Variants in PRDM11 observed in about 807,000 individuals in gnomAD.
The protein encoded by PRDM11 is PR/SET domain 11.
Under a neutral mutation model 97.8 loss-of-function variants are expected in PRDM11, and 20 were observed. The ratio of observed to expected loss-of-function variants is 0.20; its 90% CI spans 0.14 to 0.30. The LOEUF (loss-of-function observed/expected upper bound fraction) is 0.30, where lower values mean the gene tolerates loss of function less well. Ranked by LOEUF, PRDM11 falls within the 10% of genes least tolerant of loss-of-function variation. The probability of loss-of-function intolerance (pLI) is 1.00; values close to 1 mark genes in which losing one functional copy is unlikely to be tolerated. For missense variants in PRDM11, 1,139 were observed against 1,555.2 expected (o/e 0.73, Z 4.50); for synonymous variants, 599 against 637.7 (o/e 0.94, Z 0.91).
rs903463724 is a variant in PRDM11 at position 45,229,709 on chromosome 11, A to G, written c.*1550A>G. ...CTGTTCATGTTCCTACATCTGATTT[A>G]TGCATATTTTATATGCAGAGATCCT... On this transcript the variant is annotated 3_prime_UTR_variant, in exon 8 of 8. Coordinates refer to ENST00000683152, the MANE Select transcript of PRDM11 (RefSeq NM_001384648.1). The G allele has an allele frequency of 6.6e-6, 1 of 152,228 alleles. No individual in the cohort carries two copies. Among genetic ancestry groups the G allele is most frequent in the African/African-American group, 2.4e-5 (1 of 41,450 alleles). 9.4% of individuals were successfully genotyped at this position (152,228 alleles called of 1,614,324 possible). A position where few individuals can be genotyped will look rare whatever the true frequency, so the allele number is the denominator to read the frequency against.
At chr11:45,224,989 C>T in intron 7 of PRDM11, 146 bp downstream of exon 7, 2 of 1,505,534 alleles carry the variant, frequency 1.3e-6, no homozygotes, top group Non-Finnish European at 1.8e-6. Flanking sequence ...GGGTGGGAGC[C>T]CAGGTCCTCA....
At chr11:45,174,702 A>G (rs1852286546) in intron 1 of PRDM11, among the ~76,000 whole-genome samples, 4 of 152,194 alleles carry the variant, frequency 2.6e-5, no homozygotes, top group Admixed American at 6.5e-5. Flanking sequence ...TTCTTTAGCA[A>G]TTTCTAAACT....
chr11:45,211,534 G>GTGCGGTCAGATGCTCC (rs140843608), intron 5 of PRDM11, among the ~76,000 whole-genome samples: 105,838 of 151,902 alleles, frequency 0.7, 39,779 homozygotes, highest in Non-Finnish European at 0.85. Context: ...GATGGCCCCT[G>GTGCGGTCAGATGCTCC]TGGATGGGAG....
chr11:45,167,271 A>G (rs1852086130), intron 1 of PRDM11, among the ~76,000 whole-genome samples: 1 of 152,230 alleles, frequency 6.6e-6, no homozygotes. Flanking sequence ...CTTAATTCTC[A>G]GTAATGACCA....
intron 1 of PRDM11, among the ~76,000 whole-genome samples, chr11:45,111,688 G>C (rs575498953): frequency 6.6e-6 from 1 of 152,100 alleles, no homozygotes; most frequent in African/African-American, 2.4e-5. Context: ...ACATGCACTC[G>C]AACCCTCCGG....
At chr11:45,104,835 C>T (rs1237815478) in intron 1 of PRDM11, among the ~76,000 whole-genome samples, 3 of 152,280 alleles carry the variant, frequency 2.0e-5, no homozygotes, top group East Asian at 1.9e-4. Flanking sequence ...GTTGGGTTCT[C>T]GATGCCTTGT....
At chr11:45,113,980 C>T (rs1445235615) in intron 1 of PRDM11, among the ~76,000 whole-genome samples, 1 of 151,868 alleles carries the variant, frequency 6.6e-6, no homozygotes, top group Non-Finnish European at 1.5e-5. Flanking sequence ...GTTTGACTTC[C>T]TCTTTTTCAA....
At chr11:45,123,337 C>G (rs1213079051) in intron 1 of PRDM11, among the ~76,000 whole-genome samples, 2 of 152,112 alleles carry the variant, frequency 1.3e-5, no homozygotes. Flanking sequence ...TGCAGAAGCT[C>G]TTTAGTTTAG....
upstream of PRDM11, among the ~76,000 whole-genome samples, chr11:45,142,191 G>A (rs1851419872): frequency 1.3e-5 from 2 of 152,134 alleles, no homozygotes. Flanking sequence ...AATTACCAGT[G>A]GCTTCCACTG....
chr11:45,212,407 C>A, intron 5 of PRDM11: 1 of 355,422 alleles, frequency 2.8e-6, no homozygotes, highest in South Asian at 2.1e-5. Flanking sequence ...AGGGCCAACC[C>A]CTGGGCCTCC....
chr11:45,140,196 T>A (rs918064785), intron 1 of PRDM11, among the ~76,000 whole-genome samples: 2 of 152,240 alleles, frequency 1.3e-5, no homozygotes, highest in African/African-American at 4.8e-5. Context: ...TACATTGCTT[T>A]ATGGTTTTCA....
intron 4 of PRDM11, among the ~76,000 whole-genome samples, chr11:45,202,189 T>C (rs1853353349): frequency 2.0e-5 from 3 of 152,232 alleles, no homozygotes; most frequent in African/African-American, 4.8e-5. Flanking sequence ...TTCCACCATG[T>C]GCCATGCCCT....
intron 1 of PRDM11, among the ~76,000 whole-genome samples, chr11:45,161,530 G>T (rs1851927446): frequency 6.6e-6 from 1 of 152,358 alleles, no homozygotes; most frequent in South Asian, 2.1e-4. Flanking sequence ...CCTTCAGGCA[G>T]GTTTCCCGGC....
At chr11:45,180,279 G>A (rs1029624944) in intron 1 of PRDM11, among the ~76,000 whole-genome samples, 6 of 152,224 alleles carry the variant, frequency 3.9e-5, no homozygotes, top group Non-Finnish European at 8.8e-5. Context: ...CAGCCAGGAG[G>A]CAGTAGAGTG....
intron 1 of PRDM11, among the ~76,000 whole-genome samples, chr11:45,120,434 G>GAAAGAC (rs769824976): frequency 6.6e-6 from 1 of 152,048 alleles, no homozygotes. Flanking sequence ...ATAAACTGCT[G>GAAAGAC]AAAGACAAAG....
chr11:45,119,809 T>C (rs1340037761), intron 1 of PRDM11, among the ~76,000 whole-genome samples: 1 of 151,956 alleles, frequency 6.6e-6, no homozygotes, highest in African/African-American at 2.4e-5. Context: ...ATCTATAGCC[T>C]CTATGGTCCT....
chr11:45,175,915 C>T (rs969047374), intron 1 of PRDM11, among the ~76,000 whole-genome samples: 1 of 152,122 alleles, frequency 6.6e-6, no homozygotes, highest in Non-Finnish European at 1.5e-5. Flanking sequence ...GTATTAATGT[C>T]TTCATGGTTT....
At chr11:45,183,228 C>T (rs1852581336) in intron 4 of PRDM11, 105 bp downstream of exon 4, 2 of 1,391,226 alleles carry the variant, frequency 1.4e-6, no homozygotes, top group Non-Finnish European at 1.9e-6. Flanking sequence ...ACTTTTCTAC[C>T]ATCGCTTCTG....
chr11:45,184,675 T>C (rs1292420290), intron 4 of PRDM11, among the ~76,000 whole-genome samples: 1 of 151,554 alleles, frequency 6.6e-6, no homozygotes, highest in Admixed American at 6.6e-5. Context: ...GGGGACTGGG[T>C]TGAGGGAAAA....
Sources: allele counts gnomAD v4.1 joint callset (sites outside exome capture counted in the v4.1 genomes callset), GRCh38; gene constraint gnomAD v4.1.1; transcripts MANE v1.5; gene names NCBI Gene and HGNC (gene_info 2026-07-23, HGNC 2026-07-21).